CCSER2: variants seen among roughly 807,000 people sequenced by gnomAD.
CCSER2 encodes serine-rich coiled-coil domain-containing protein 2.
In CCSER2, 46 loss-of-function variants were observed where a neutral mutation model predicts 92.3. The observed-to-expected ratio is 0.50, with a 90% CI of 0.39 to 0.64. CCSER2 has a LOEUF of 0.64. Ranked by LOEUF, CCSER2 falls within the 30% of genes least tolerant of loss-of-function variation. The pLI, the probability that CCSER2 is intolerant of heterozygous loss-of-function variation, is 0.00. For synonymous variants in CCSER2, 433 were observed against 431.4 expected, an observed-to-expected ratio of 1.00 and a Z score of -0.04; for missense variants, 1,244 against 1,238.9, an observed-to-expected ratio of 1.00 and a Z score of -0.06.
At chr10:84,448,154 G>A (rs1187610038) in intron 6 of CCSER2, among the ~76,000 whole-genome samples, 1 of 151,930 alleles carries the variant, frequency 6.6e-6, no homozygotes, top group Non-Finnish European at 1.5e-5. Context: ...TTGAGTCTAC[G>A]CATGGATGCC....
At chr10:84,444,775 A>G (rs1386901782) in intron 6 of CCSER2, among the ~76,000 whole-genome samples, 1 of 152,214 alleles carries the variant, frequency 6.6e-6, no homozygotes, top group Non-Finnish European at 1.5e-5. Context: ...AAAATTTTAA[A>G]AAATTGTAAA....
At chr10:84,506,162 C>T (rs1453138472) in intron 9 of CCSER2, among the ~76,000 whole-genome samples, 1 of 151,140 alleles carries the variant, frequency 6.6e-6, no homozygotes, top group Non-Finnish European at 1.5e-5. Flanking sequence ...AAACCAAACC[C>T]GTTAACTGGT....
At chr10:84,413,955 A>G (rs1010916797) in intron 3 of CCSER2, among the ~76,000 whole-genome samples, 1 of 152,130 alleles carries the variant, frequency 6.6e-6, no homozygotes, top group African/African-American at 2.4e-5. Flanking sequence ...TTTGTCAGAA[A>G]CCAGGATTGC....
At chr10:84,386,007 A>T (rs1412098477) in intron 3 of CCSER2, among the ~76,000 whole-genome samples, 1 of 152,238 alleles carries the variant, frequency 6.6e-6, no homozygotes, top group Non-Finnish European at 1.5e-5. Context: ...CATTAAAGAG[A>T]TGCAAATCAA....
rs750250954 is a variant in CCSER2, at chr10:84,372,032, G to A, written c.980G>A (p.Arg327Gln). 31 of 1,613,746 alleles carry A rather than the reference G, an allele frequency of 1.9e-5. No homozygotes were observed. Among genetic ancestry groups the A allele is most frequent in the Non-Finnish European group, 2.5e-5 (29 of 1,179,800 alleles). ...MVHPSLLKSS[R>Q]SPFSGTMTVD... ...CATCCCTCTCTACTGAAATCTAGCCGATCTCCATTTTCTGGGACTATGACA... is the reference window on the plus strand; with the variant it reads ...CATCCCTCTCTACTGAAATCTAGCCAATCTCCATTTTCTGGGACTATGACA... The change falls in exon 2 of 10, where the codon CGA (arginine) becomes CAA (glutamine). Residue 327 changes from arginine (R) to glutamine (Q), a missense_variant. Arg to Gln is a conservative substitution (Grantham distance 43). Coordinates refer to ENST00000372088, the MANE Select transcript of CCSER2 (RefSeq NM_001284240.2).
In CCSER2 at chr10:84,436,353, AT is replaced by A. The variant is rs71013320; in HGVS notation, c.1869-2158del. ...AAAAAAAAAAAAAAAAAAAAAAAAA[AT>A]GCCGGGCGCGGTGTCTCAAGCCTGT... On this transcript the variant is annotated intron_variant, in intron 5 of 9. Transcript: ENST00000372088. Among the ~76,000 whole-genome samples the A allele has an allele frequency of 4.2e-3, 403 of 96,638 alleles. 49 individuals are homozygous for A. Among genetic ancestry groups the A allele is most frequent in the Admixed American group, 0.019 (145 of 7,762 alleles). The allele number at this position is 96,638 out of a possible 152,430, so 63.4% of individuals were successfully genotyped here.
intron 3 of CCSER2, among the ~76,000 whole-genome samples, chr10:84,403,907 A>C (rs1470299312): frequency 1.3e-5 from 2 of 152,212 alleles, no homozygotes; most frequent in Non-Finnish European, 2.9e-5. Flanking sequence ...GTGCTCTAGA[A>C]GATAACAAAT....
At chr10:84,469,321 C>G (rs1453056879) in intron 7 of CCSER2, among the ~76,000 whole-genome samples, 1 of 151,984 alleles carries the variant, frequency 6.6e-6, no homozygotes, top group Non-Finnish European at 1.5e-5. Flanking sequence ...AATTCCTAAA[C>G]TTAAAAACAA....
intron 9 of CCSER2, among the ~76,000 whole-genome samples, chr10:84,493,961 A>G (rs1416724100): frequency 1.3e-5 from 2 of 152,214 alleles, no homozygotes; most frequent in Non-Finnish European, 2.9e-5. Flanking sequence ...TTAGATTATC[A>G]TAAGGAGCAA....
chr10:84,374,328 A>G (rs1179857315), intron 3 of CCSER2, among the ~76,000 whole-genome samples: 1 of 152,180 alleles, frequency 6.6e-6, no homozygotes, highest in Non-Finnish European at 1.5e-5. Context: ...GTGGGATAAT[A>G]CAATACAAGT....
intron 9 of CCSER2, among the ~76,000 whole-genome samples, chr10:84,497,058 A>C (rs1848493256): frequency 1.3e-5 from 2 of 152,236 alleles, no homozygotes; most frequent in South Asian, 4.1e-4. Flanking sequence ...GACACCAAGG[A>C]AAGTAAGAGA....
intron 9 of CCSER2, 102 bp from the exon 10 acceptor site, chr10:84,513,347 T>C (rs768340853): frequency 1.1e-6 from 1 of 882,174 alleles, no homozygotes; most frequent in South Asian, 1.8e-5. Flanking sequence ...ATTTTCCATA[T>C]TAAAGCCATA....
At chr10:84,511,247 C>T (rs1849333567) in intron 9 of CCSER2, among the ~76,000 whole-genome samples, 1 of 152,010 alleles carries the variant, frequency 6.6e-6, no homozygotes, top group Non-Finnish European at 1.5e-5. Flanking sequence ...ATACAAGTAG[C>T]TTGTCTTTCT....
At chr10:84,417,116 A>T (rs1300914882) in intron 3 of CCSER2, among the ~76,000 whole-genome samples, 1 of 152,204 alleles carries the variant, frequency 6.6e-6, no homozygotes, top group Non-Finnish European at 1.5e-5. Flanking sequence ...GTTTTTGTTT[A>T]TTCAGTTCTT....
intron 3 of CCSER2, among the ~76,000 whole-genome samples, chr10:84,412,897 ATC>A (rs1256631100): frequency 6.6e-6 from 1 of 152,108 alleles, no homozygotes; most frequent in African/African-American, 2.4e-5. Context: ...CCAGGAATTT[ATC>A]TGTTTCTTGT....
chr10:84,462,618 A>G (rs375115611), intron 6 of CCSER2, among the ~76,000 whole-genome samples: 73 of 152,298 alleles, frequency 4.8e-4, no homozygotes, highest in Non-Finnish European at 5.1e-4. Context: ...AATGTTGCCT[A>G]TGTTCTTAGA....
chr10:84,424,186 T>G (rs1007813692), intron 4 of CCSER2, among the ~76,000 whole-genome samples: 1 of 151,936 alleles, frequency 6.6e-6, no homozygotes, highest in African/African-American at 2.4e-5. Flanking sequence ...GATGATTACT[T>G]TAAATTTTCT....
chr10:84,348,162 C>T (rs1844638440), intron 1 of CCSER2, among the ~76,000 whole-genome samples: 2 of 152,214 alleles, frequency 1.3e-5, no homozygotes, highest in East Asian at 3.9e-4. Context: ...GCCTGGGCAA[C>T]ATTGAGCATT....
chr10:84,372,611 C>T (rs1846124962), intron 2 of CCSER2, 142 bp downstream of exon 2: 9 of 574,558 alleles, frequency 1.6e-5, no homozygotes, highest in East Asian at 3.0e-5. Context: ...GGTGGGTTAA[C>T]GTTTATTTTC....
Sources: allele counts gnomAD v4.1 joint callset (sites outside exome capture counted in the v4.1 genomes callset), GRCh38; gene constraint gnomAD v4.1.1; transcripts MANE v1.5; gene names NCBI Gene and HGNC (gene_info 2026-07-23, HGNC 2026-07-21).